The following LRRC4C variants were observed in gnomAD, a reference collection of about 807,000 sequenced individuals.
LRRC4C encodes the protein leucine-rich repeat-containing protein 4C.
LRRC4C carries 5 observed loss-of-function variants against 33.6 expected under a neutral mutation model. The observed-to-expected ratio is 0.15, with a 90% CI of 0.08 to 0.31. The LOEUF is 0.31. Ranked by LOEUF, LRRC4C falls within the 10% of genes least tolerant of loss-of-function variation. LRRC4C has a pLI of 1.00. For synonymous variants in LRRC4C, 329 were observed against 302.0 expected (o/e 1.09, Z -0.93); for missense variants, 560 against 796.7 (o/e 0.70, Z 3.58).
intron 1 of LRRC4C, among the ~76,000 whole-genome samples, chr11:41,010,664 A>C (rs2137521257): frequency 6.6e-6 from 1 of 152,318 alleles, no homozygotes; most frequent in African/African-American, 2.4e-5. Context: ...GTCTAGGCTA[A>C]GCAAGTGAAA....
chr11:40,473,791 C>T (rs900124948), intron 3 of LRRC4C, among the ~76,000 whole-genome samples: 1 of 152,176 alleles, frequency 6.6e-6, no homozygotes, highest in African/African-American at 2.4e-5. Flanking sequence ...AAATCACAAG[C>T]ATTCCTCTAC....
chr11:41,225,626 C>T (rs1448232682), intron 1 of LRRC4C, among the ~76,000 whole-genome samples: 1 of 151,690 alleles, frequency 6.6e-6, no homozygotes, highest in African/African-American at 2.4e-5. Context: ...TAGTAAGACC[C>T]TGTCTTTATT....
At chr11:41,319,251 A>G (rs1160188210) in intron 1 of LRRC4C, among the ~76,000 whole-genome samples, 2 of 152,354 alleles carry the variant, frequency 1.3e-5, no homozygotes, top group East Asian at 1.9e-4. Context: ...TCGAGAAAAC[A>G]TAAAATGCTG....
At chr11:40,717,598 G>A (rs781133461) in intron 2 of LRRC4C, among the ~76,000 whole-genome samples, 9 of 151,968 alleles carry the variant, frequency 5.9e-5, no homozygotes, top group South Asian at 4.1e-4. Flanking sequence ...CAGTCACTGC[G>A]CTATAGATTT....
intron 3 of LRRC4C, among the ~76,000 whole-genome samples, chr11:40,325,163 C>T (rs1471232401): frequency 6.6e-6 from 1 of 152,074 alleles, no homozygotes; most frequent in Non-Finnish European, 1.5e-5. Flanking sequence ...ATGTGAAAAG[C>T]CTTAGGAAAC....
intron 4 of LRRC4C, among the ~76,000 whole-genome samples, chr11:40,251,748 A>G (rs928194962): frequency 5.3e-5 from 8 of 152,194 alleles, no homozygotes; most frequent in African/African-American, 1.9e-4. Context: ...GATTTAAAAG[A>G]GTTTATGCCA....
At chr11:41,147,826 G>C (rs904576615) in intron 1 of LRRC4C, among the ~76,000 whole-genome samples, 1 of 152,170 alleles carries the variant, frequency 6.6e-6, no homozygotes, top group African/African-American at 2.4e-5. Context: ...GGCTCGGCTC[G>C]TGTCTGTAAT....
intron 1 of LRRC4C, among the ~76,000 whole-genome samples, chr11:41,437,421 G>GCACACACACA (rs138502307): frequency 0.041 from 6,007 of 144,874 alleles, 415 homozygotes; most frequent in African/African-American, 0.14. Context: ...ACGCGCGCGC[G>GCACACACACA]CGCGCACACA....
intron 2 of LRRC4C, among the ~76,000 whole-genome samples, chr11:40,891,249 C>A (rs1300657680): frequency 3.3e-5 from 5 of 151,944 alleles, no homozygotes; most frequent in African/African-American, 4.8e-5. Context: ...AATAAACGAA[C>A]AAACAAACAA....
At chr11:40,936,398 C>A (rs1415248053) in intron 1 of LRRC4C, among the ~76,000 whole-genome samples, 3 of 139,148 alleles carry the variant, frequency 2.2e-5, no homozygotes, top group Non-Finnish European at 3.0e-5. Context: ...AGTGCAGTGG[C>A]GCGATCTCGG....
intron 1 of LRRC4C, among the ~76,000 whole-genome samples, chr11:41,134,006 G>T (rs1386033382): frequency 6.6e-6 from 1 of 152,120 alleles, no homozygotes; most frequent in Non-Finnish European, 1.5e-5. Flanking sequence ...CAACTGCCTT[G>T]GGACCACTTA....
chr11:41,211,863 G>C (rs887646725), intron 1 of LRRC4C, among the ~76,000 whole-genome samples: 1 of 152,106 alleles, frequency 6.6e-6, no homozygotes. Context: ...GGATGGCTGG[G>C]TCAAATGGTA....
chr11:40,975,439 A>G, intron 1 of LRRC4C, among the ~76,000 whole-genome samples: 1 of 152,190 alleles, frequency 6.6e-6, no homozygotes, highest in East Asian at 1.9e-4. Flanking sequence ...CTGCCTTCTC[A>G]TTATTTCTCA....
chr11:40,332,188 T>G (rs1198576013), intron 3 of LRRC4C, among the ~76,000 whole-genome samples: 1 of 152,180 alleles, frequency 6.6e-6, no homozygotes, highest in Non-Finnish European at 1.5e-5. Context: ...TTACACTTCC[T>G]GGAAGTCAGA....
chr11:40,536,922 C>A (rs188841964), intron 3 of LRRC4C, among the ~76,000 whole-genome samples: 1 of 152,122 alleles, frequency 6.6e-6, no homozygotes, highest in Non-Finnish European at 1.5e-5. Flanking sequence ...TGTCAACTAC[C>A]CTTTCTGGAA....
At chr11:40,894,460 T>G (rs1955850606) in intron 2 of LRRC4C, among the ~76,000 whole-genome samples, 1 of 152,186 alleles carries the variant, frequency 6.6e-6, no homozygotes, top group South Asian at 2.1e-4. Flanking sequence ...TTTACAGAGA[T>G]ATTGACACTG....
intron 1 of LRRC4C, among the ~76,000 whole-genome samples, chr11:41,371,515 T>TC (rs1952746690): frequency 1.3e-5 from 2 of 152,172 alleles, no homozygotes; most frequent in African/African-American, 4.8e-5. Flanking sequence ...GTGGGACATT[T>TC]ATCTTCAGGT....
At position 40,797,365 on chromosome 11, in the gene LRRC4C, A is replaced by G. The variant is rs193085247; in HGVS notation, c.-407+136270T>C. On this transcript the variant is annotated intron_variant, in intron 2 of 6. Coordinates refer to ENST00000528697, the MANE Select transcript of LRRC4C (RefSeq NM_001258419.2). Reference sequence around the variant, plus strand: ...TCTGAGAGAAGAGATCCTATGGCAAATTAAGGCAAGATCCTGGACAGATCT... The same window carrying G: ...TCTGAGAGAAGAGATCCTATGGCAAGTTAAGGCAAGATCCTGGACAGATCT... Among the ~76,000 whole-genome samples, 5 of 152,240 alleles carry G rather than the reference A, an allele frequency of 3.3e-5. No individual in the cohort carries two copies. In the East Asian group the frequency reaches 9.7e-4, roughly 30 times the overall value.
chr11:40,945,097 G>A (rs1204522132), intron 1 of LRRC4C, among the ~76,000 whole-genome samples: 1 of 143,082 alleles, frequency 7.0e-6, no homozygotes, highest in Non-Finnish European at 1.5e-5. Flanking sequence ...GCGCGATCTC[G>A]GCACACTGCA....
Sources: gnomAD v4.1 joint callset for allele counts (sites outside exome capture counted in the v4.1 genomes callset) on GRCh38, gnomAD v4.1.1 for gene constraint, MANE v1.5 for transcripts, NCBI Gene and HGNC (gene_info 2026-07-23, HGNC 2026-07-21) for gene names.